Variants in DUS2 observed in about 807,000 individuals in gnomAD.
The protein encoded by DUS2 is dihydrouridine synthase 2.
Under a neutral mutation model 71.3 loss-of-function variants are expected in DUS2, and 52 were observed. That is an observed-to-expected ratio of 0.73 (90% CI 0.58 to 0.92). The LOEUF (loss-of-function observed/expected upper bound fraction) is 0.92, where lower values mean the gene tolerates loss of function less well. DUS2 is among the 40% of genes least tolerant of loss of function. DUS2 has a pLI of 0.00. For synonymous variants in DUS2, 204 were observed against 227.8 expected (o/e 0.90, Z 0.94); for missense variants, 558 against 622.6 (o/e 0.90, Z 1.10).
intron 2 of DUS2, 132 bp from the exon 3 acceptor site, chr16:68,037,874 C>A: frequency 1.1e-6 from 1 of 946,132 alleles, no homozygotes; most frequent in Non-Finnish European, 1.5e-6. Flanking sequence ...AACAATCAAA[C>A]ATAAACAACC....
At chr16:68,076,492 G>A (rs771424159) in intron 14 of DUS2, 140 bp from the exon 15 acceptor site, 1 of 613,168 alleles carries the variant, frequency 1.6e-6, no homozygotes. Flanking sequence ...AGGGGAGCAA[G>A]TACAGAAGCC....
At chr16:68,026,998 C>CTTCTGTTGCT (rs1204411997) in intron 2 of DUS2, 2 of 151,884 alleles carry the variant, frequency 1.3e-5, no homozygotes, top group Non-Finnish European at 2.9e-5. Context: ...GGCTCAACCT[C>CTTCTGTTGCT]TTCTGTTGCT....
chr16:68,065,187 T>G (rs1213780976), intron 8 of DUS2, among the ~76,000 whole-genome samples: 1 of 152,204 alleles, frequency 6.6e-6, no homozygotes, highest in Non-Finnish European at 1.5e-5. Context: ...TGATAAGCAC[T>G]TTTAAATATG....
chr16:68,061,171 T>C lies in DUS2; in HGVS notation c.417+58T>C, dbSNP rs564043596. 1.7e-5 allele frequency: 27 copies of C among 1,548,348 alleles called. 1 individual carries two copies. The South Asian group carries it at 2.9e-4, about 17-fold the overall frequency. ...CAAACACAGCTCCAAACTAGAATTG[T>C]CTAGAACGCCTCCTTCCACCAATAC... On this transcript the variant is annotated intron_variant, in intron 8 of 16. Transcript: ENST00000565263.
chr16:68,045,837 C>T (rs2033692983), intron 3 of DUS2, among the ~76,000 whole-genome samples: 1 of 151,518 alleles, frequency 6.6e-6, no homozygotes, highest in African/African-American at 2.4e-5. Context: ...AAGTGATTCT[C>T]CTGCCTCAGA....
chr16:68,063,741 T>C (rs1353169808), intron 8 of DUS2, among the ~76,000 whole-genome samples: 1 of 152,146 alleles, frequency 6.6e-6, no homozygotes. Context: ...TTATTTATTT[T>C]GAGAGGGAGT....
intron 3 of DUS2, among the ~76,000 whole-genome samples, chr16:68,045,252 CT>C (rs2033683380): frequency 6.6e-6 from 1 of 152,084 alleles, no homozygotes; most frequent in South Asian, 2.1e-4. Context: ...TTCTGTCTCT[CT>C]CTGTCTCTCC....
chr16:68,066,041 G>A (rs1018254566), intron 8 of DUS2, among the ~76,000 whole-genome samples: 3 of 152,116 alleles, frequency 2.0e-5, no homozygotes, highest in South Asian at 2.1e-4. Flanking sequence ...AGGTGTACAC[G>A]CGTACCCATT....
chr16:68,050,490 A>G (rs1225899042), intron 4 of DUS2, among the ~76,000 whole-genome samples: 1 of 152,236 alleles, frequency 6.6e-6, no homozygotes, highest in East Asian at 1.9e-4. Flanking sequence ...TCAATATTAT[A>G]GATCTGTGTA....
intron 7 of DUS2, 68 bp from the exon 8 acceptor site, chr16:68,060,998 C>A: frequency 1.3e-6 from 2 of 1,520,070 alleles, no homozygotes; most frequent in Non-Finnish European, 1.8e-6. Context: ...AGTTGCCAGA[C>A]CCCATCCCAT....
At chr16:68,043,959 C>T (rs774395497) in intron 3 of DUS2, among the ~76,000 whole-genome samples, 25 of 152,142 alleles carry the variant, frequency 1.6e-4, no homozygotes, top group South Asian at 2.1e-4. Context: ...GCCACTGCAC[C>T]GGGTCTGTGC....
Position 68,079,139 on chromosome 16 carries a change from C to G in DUS2, c.*153C>G. On this transcript the variant is annotated 3_prime_UTR_variant, in exon 17 of 17. Coordinates refer to ENST00000565263, the MANE Select transcript of DUS2 (RefSeq NM_017803.5). ...GGGGCCATCAGCCTAGAGCATGGAC[C>G]AGGGGCCGCCCAGGGGTGGATCCTG... 2 of 657,730 alleles carry G rather than the reference C, an allele frequency of 3.0e-6. No individual in the cohort carries two copies. Among genetic ancestry groups the G allele is most frequent in the Admixed American group, 6.6e-5 (2 of 30,380 alleles). 40.7% of individuals were successfully genotyped at this position (657,730 alleles called of 1,614,324 possible).
intron 4 of DUS2, among the ~76,000 whole-genome samples, chr16:68,050,747 G>A (rs947317172): frequency 5.9e-5 from 9 of 151,832 alleles, no homozygotes; most frequent in Admixed American, 3.3e-4. Flanking sequence ...GTGTTGTTTT[G>A]CCATTTACTT....
At chr16:68,064,939 TC>T (rs879448246) in intron 8 of DUS2, among the ~76,000 whole-genome samples, 1 of 152,148 alleles carries the variant, frequency 6.6e-6, no homozygotes, top group Non-Finnish European at 1.5e-5. Context: ...CACCTAGATA[TC>T]CCCCTGCTCT....
At chr16:68,056,953 C>A in intron 7 of DUS2, among the ~76,000 whole-genome samples, 1 of 136,146 alleles carries the variant, frequency 7.3e-6, no homozygotes, top group Non-Finnish European at 1.6e-5. Flanking sequence ...TATATGTAAT[C>A]TATAATTATA....
intron 2 of DUS2, among the ~76,000 whole-genome samples, chr16:68,029,605 C>T (rs1010074995): frequency 1.1e-4 from 16 of 151,912 alleles, no homozygotes; most frequent in African/African-American, 3.9e-4. Flanking sequence ...CACCACCATA[C>T]CCGGCTAATT....
chr16:68,071,137 C>T, intron 12 of DUS2, 29 bp downstream of exon 12: 1 of 1,611,352 alleles, frequency 6.2e-7, no homozygotes, highest in South Asian at 1.1e-5. Flanking sequence ...TCAAAACAAG[C>T]ATTTCTCACT....
At chr16:68,037,578 C>G (rs1406679922) in intron 2 of DUS2, among the ~76,000 whole-genome samples, 3 of 151,946 alleles carry the variant, frequency 2.0e-5, no homozygotes, top group Non-Finnish European at 2.9e-5. Context: ...CCACCATGCC[C>G]AGCTAATTTT....
At chr16:68,040,236 C>T (rs2033602932) in intron 3 of DUS2, among the ~76,000 whole-genome samples, 1 of 152,112 alleles carries the variant, frequency 6.6e-6, no homozygotes, top group South Asian at 2.1e-4. Flanking sequence ...AGGTGCCCGC[C>T]TCCATGTCCA....
Sources: gnomAD v4.1 joint callset for allele counts (sites outside exome capture counted in the v4.1 genomes callset) on GRCh38, gnomAD v4.1.1 for gene constraint, MANE v1.5 for transcripts, NCBI Gene and HGNC (gene_info 2026-07-23, HGNC 2026-07-21) for gene names.